The following PTPRD variants were observed in gnomAD, a reference collection of about 807,000 sequenced individuals.
The protein encoded by PTPRD is protein tyrosine phosphatase receptor type D.
Under a neutral mutation model 214.5 loss-of-function variants are expected in PTPRD, and 34 were observed. The ratio of observed to expected loss-of-function variants is 0.16; its 90% confidence interval spans 0.12 to 0.21. The LOEUF is 0.21. Ranked by LOEUF, PTPRD falls within the 10% of genes least tolerant of loss-of-function variation. PTPRD has a pLI of 1.00. For synonymous variants in PTPRD, 1,128 were observed against 845.7 expected (o/e 1.33, Z -5.79); for missense variants, 2,545 against 2,398.7 (o/e 1.06, Z -1.27).
chr9:9,684,454 C>G (rs2097132662), intron 7 of PTPRD, among the ~76,000 whole-genome samples: 1 of 151,616 alleles, frequency 6.6e-6, no homozygotes, highest in Non-Finnish European at 1.5e-5. Flanking sequence ...CTTACATTCT[C>G]TATGGCCTCA....
chr9:8,960,204 G>T (rs773471752), intron 11 of PTPRD, among the ~76,000 whole-genome samples: 1 of 151,986 alleles, frequency 6.6e-6, no homozygotes, highest in African/African-American at 2.4e-5. Flanking sequence ...GAGTTTTGTC[G>T]TCAGGAACAG....
intron 11 of PTPRD, among the ~76,000 whole-genome samples, chr9:8,946,516 C>A (rs1178773095): frequency 6.6e-6 from 1 of 152,138 alleles, no homozygotes; most frequent in African/African-American, 2.4e-5. Context: ...TATTAGTTAG[C>A]ATACTCTTGG....
intron 2 of PTPRD, among the ~76,000 whole-genome samples, chr9:10,570,041 T>G (rs2066933653): frequency 6.6e-6 from 1 of 152,140 alleles, no homozygotes; most frequent in Admixed American, 6.6e-5. Context: ...AACTATGATC[T>G]TTGTCAAATG....
intron 7 of PTPRD, among the ~76,000 whole-genome samples, chr9:9,593,268 T>C (rs183997254): frequency 2.2e-3 from 337 of 151,800 alleles, no homozygotes; most frequent in African/African-American, 7.7e-3. Flanking sequence ...ATAGGTAGGA[T>C]TGTCCACACT....
At chr9:10,293,161 G>A (rs1228603971) in intron 3 of PTPRD, among the ~76,000 whole-genome samples, 1 of 151,732 alleles carries the variant, frequency 6.6e-6, no homozygotes, top group African/African-American at 2.4e-5. Flanking sequence ...GAAATCTCTG[G>A]CCTTGAATTC....
At chr9:9,827,926 G>C (rs2053514400) in intron 5 of PTPRD, among the ~76,000 whole-genome samples, 1 of 152,152 alleles carries the variant, frequency 6.6e-6, no homozygotes, top group Non-Finnish European at 1.5e-5. Context: ...CTGGCCATCA[G>C]AGAAATGCAA....
chr9:9,794,727 G>T (rs988570153), intron 5 of PTPRD, among the ~76,000 whole-genome samples: 2 of 152,136 alleles, frequency 1.3e-5, no homozygotes, highest in Admixed American at 6.6e-5. Context: ...ATGGCTTAGA[G>T]AAGATAAATA....
chr9:9,843,103 T>G (rs990878223), intron 5 of PTPRD, among the ~76,000 whole-genome samples: 2 of 152,106 alleles, frequency 1.3e-5, no homozygotes, highest in African/African-American at 4.8e-5. Context: ...GATTTTGGGC[T>G]ATAATGTCAG....
chr9:10,075,295 T>C (rs1040549163), intron 3 of PTPRD, among the ~76,000 whole-genome samples: 8 of 152,070 alleles, frequency 5.3e-5, no homozygotes, highest in Non-Finnish European at 8.8e-5. Flanking sequence ...GTACATTATT[T>C]GACATCTACT....
chr9:9,474,454 A>G (rs1284148657), intron 8 of PTPRD, among the ~76,000 whole-genome samples: 1 of 152,070 alleles, frequency 6.6e-6, no homozygotes, highest in Non-Finnish European at 1.5e-5. Context: ...TATATTTTAG[A>G]ATTTTTAAAA....
chr9:8,812,257 G>C (rs888061567), intron 11 of PTPRD, among the ~76,000 whole-genome samples: 3 of 152,092 alleles, frequency 2.0e-5, no homozygotes, highest in Non-Finnish European at 4.4e-5. Flanking sequence ...TGCACAGATA[G>C]ATGTACATAT....
At chr9:10,043,497 A>C (rs7864347) in intron 3 of PTPRD, among the ~76,000 whole-genome samples, 1 of 151,754 alleles carries the variant, frequency 6.6e-6, no homozygotes, top group East Asian at 2.0e-4. Context: ...CCTTCTCTCA[A>C]TGAAACTCTA....
intron 2 of PTPRD, among the ~76,000 whole-genome samples, chr9:10,558,806 A>G (rs1039391803): frequency 6.6e-6 from 1 of 152,180 alleles, no homozygotes; most frequent in African/African-American, 2.4e-5. Flanking sequence ...ATGTAAAAAC[A>G]ATATTCCCTA....
chr9:9,752,174 G>C (rs1188661711), intron 6 of PTPRD, among the ~76,000 whole-genome samples: 1 of 152,054 alleles, frequency 6.6e-6, no homozygotes, highest in Non-Finnish European at 1.5e-5. Context: ...GGAACACTTA[G>C]CTAAATTGAA....
chr9:8,815,813 T>C (rs2096908341), intron 11 of PTPRD, among the ~76,000 whole-genome samples: 1 of 152,122 alleles, frequency 6.6e-6, no homozygotes, highest in East Asian at 1.9e-4. Context: ...GGGGTGAAAA[T>C]GAAAAAATGC....
chr9:9,109,427 G>C (rs1456186583), intron 10 of PTPRD, among the ~76,000 whole-genome samples: 1 of 152,084 alleles, frequency 6.6e-6, no homozygotes, highest in African/African-American at 2.4e-5. Flanking sequence ...TCTTGAATAA[G>C]TTCATTGGCA....
At chr9:8,358,822 T>A (rs1002962183) in intron 39 of PTPRD, among the ~76,000 whole-genome samples, 4 of 151,552 alleles carry the variant, frequency 2.6e-5, no homozygotes, top group African/African-American at 4.8e-5. Context: ...GAAAAAAAAA[T>A]GTAATATAAA....
At chr9:9,787,578 G>T (rs1565260638) in intron 5 of PTPRD, among the ~76,000 whole-genome samples, 1 of 151,670 alleles carries the variant, frequency 6.6e-6, no homozygotes, top group African/African-American at 2.4e-5. Flanking sequence ...TTCAGAAAAA[G>T]AAAAAGAAGA....
chr9:9,646,296 G>C (rs935274359), intron 7 of PTPRD, among the ~76,000 whole-genome samples: 8 of 150,626 alleles, frequency 5.3e-5, no homozygotes, highest in African/African-American at 1.7e-4. Context: ...TGACCATTTT[G>C]GGAGGGGTGT....
Sources: allele counts gnomAD v4.1 joint callset (sites outside exome capture counted in the v4.1 genomes callset), GRCh38; gene constraint gnomAD v4.1.1; transcripts MANE v1.5; gene names NCBI Gene and HGNC (gene_info 2026-07-23, HGNC 2026-07-21).